The following PTPRG variants were observed in gnomAD, a reference collection of about 807,000 sequenced individuals.
PTPRG encodes the protein protein tyrosine phosphatase receptor type G, also known as receptor-type tyrosine-protein phosphatase gamma.
In PTPRG, 102 loss-of-function variants were observed where a neutral mutation model predicts 165.3. The observed-to-expected ratio is 0.62, with a 90% CI of 0.53 to 0.73. The LOEUF is 0.73. Among genes scored for constraint, PTPRG ranks in the 30% least tolerant of loss-of-function variants. The probability of loss-of-function intolerance (pLI) is 0.00; values close to 1 mark genes in which losing one functional copy is unlikely to be tolerated. For synonymous variants in PTPRG, 675 were observed against 669.5 expected, an observed-to-expected ratio of 1.01 and a Z score of -0.13; for missense variants, 1,866 against 1,861.4, an observed-to-expected ratio of 1.00 and a Z score of -0.05.
At chr3:62,155,178 C>A (rs1384617291) in intron 6 of PTPRG, among the ~76,000 whole-genome samples, 1 of 152,188 alleles carries the variant, frequency 6.6e-6, no homozygotes, top group East Asian at 1.9e-4. Context: ...AAGACTTTTG[C>A]ATTTATTGGG....
chr3:62,203,103 C>G lies in PTPRG; in HGVS notation c.1378-70C>G. 6.6e-7 allele frequency: 1 copy of G among 1,520,266 alleles called. No individual in the cohort carries two copies. 94.2% of individuals were successfully genotyped at this position (1,520,266 alleles called of 1,614,324 possible). ...ACAACCAGGGCCTCATTCCCAATCTCAATTACTGATGCTTCTCTGCTTTTT... is the reference window on the plus strand; with the variant it reads ...ACAACCAGGGCCTCATTCCCAATCTGAATTACTGATGCTTCTCTGCTTTTT... On this transcript the variant is annotated intron_variant, in intron 11 of 29. Transcript: ENST00000474889. The surrounding 1 kb of genome is among the most constrained non-coding windows in gnomAD (Gnocchi z 6.4).
chr3:61,817,290 A>AT (rs2035815642), intron 2 of PTPRG, among the ~76,000 whole-genome samples: 1 of 118,714 alleles, frequency 8.4e-6, no homozygotes, highest in Non-Finnish European at 1.6e-5. Flanking sequence ...AAATCACTGA[A>AT]ATTTTTTTTT....
chr3:62,127,831 C>G (rs1467140946), intron 5 of PTPRG, among the ~76,000 whole-genome samples: 2 of 152,170 alleles, frequency 1.3e-5, no homozygotes, highest in Non-Finnish European at 2.9e-5. Context: ...GCTTCCTTTT[C>G]ATTTTACTTC....
intron 4 of PTPRG, among the ~76,000 whole-genome samples, chr3:62,033,938 G>A (rs1378706659): frequency 6.6e-6 from 1 of 151,990 alleles, no homozygotes; most frequent in South Asian, 2.1e-4. Flanking sequence ...GCTAATTTTT[G>A]TATTTTTGGT....
At chr3:61,995,080 CTTTCTTTTTTTTTT>C (rs531391688) in intron 3 of PTPRG, among the ~76,000 whole-genome samples, 1 of 107,400 alleles carries the variant, frequency 9.3e-6, no homozygotes, top group Non-Finnish European at 1.8e-5. Context: ...TCTTTTCTTT[CTTTCTTTTTTTTTT>C]TTTTTTTTTT....
intron 1 of PTPRG, among the ~76,000 whole-genome samples, chr3:61,710,940 G>C (rs563362838): frequency 0.011 from 1,597 of 151,746 alleles, 34 homozygotes; most frequent in African/African-American, 0.036. Flanking sequence ...CCCCCAGAGA[G>C]GCCCTGGTGT....
chr3:62,028,072 C>G (rs1171359208), intron 4 of PTPRG, among the ~76,000 whole-genome samples: 1 of 152,110 alleles, frequency 6.6e-6, no homozygotes, highest in African/African-American at 2.4e-5. Flanking sequence ...ATCAAAGCAT[C>G]CATTAATTAC....
In PTPRG at chr3:61,968,567, G is replaced by A. The variant is rs573691029; in HGVS notation, c.191-21058G>A. On this transcript the variant is annotated intron_variant, in intron 2 of 29. Transcript: ENST00000474889. ...TTTGTGGTAAATTTTAGTGCCTTTG[G>A]CATTATCTGAGAGTGCTTCTGCCAT... is the stretch of plus-strand genomic sequence containing the variant. Among the ~76,000 whole-genome samples the A allele has an allele frequency of 8.5e-4, 129 of 152,228 alleles. 4 individuals carry two copies. The South Asian group carries it at 0.024, about 29-fold the overall frequency.
chr3:61,832,713 T>C (rs1158768505), intron 2 of PTPRG, among the ~76,000 whole-genome samples: 2 of 152,212 alleles, frequency 1.3e-5, no homozygotes, highest in Admixed American at 6.5e-5. Flanking sequence ...ATTTCTAGTT[T>C]GTATTTCAGT....
At chr3:61,855,223 T>C (rs2037066525) in intron 2 of PTPRG, among the ~76,000 whole-genome samples, 1 of 152,206 alleles carries the variant, frequency 6.6e-6, no homozygotes, top group Admixed American at 6.5e-5. Flanking sequence ...AGTAATAGTA[T>C]AGAAAGCTTT....
intron 1 of PTPRG, among the ~76,000 whole-genome samples, chr3:61,659,680 A>G (rs1420808494): frequency 1.3e-5 from 2 of 152,182 alleles, no homozygotes; most frequent in African/African-American, 2.4e-5. Flanking sequence ...TGCTTAGACC[A>G]CTGTATGGAG....
chr3:62,076,489 G>GTTTT (rs200643852), intron 4 of PTPRG, among the ~76,000 whole-genome samples: 5 of 150,544 alleles, frequency 3.3e-5, no homozygotes, highest in Admixed American at 6.6e-5. Context: ...CCCAGGTCTG[G>GTTTT]TTTTTTTTGT....
intron 2 of PTPRG, among the ~76,000 whole-genome samples, chr3:61,811,659 T>C (rs1344675008): frequency 1.3e-5 from 2 of 152,218 alleles, no homozygotes; most frequent in Non-Finnish European, 2.9e-5. Flanking sequence ...AAAACACAAC[T>C]TCAGCTTTCA....
chr3:62,218,153 C>T lies in PTPRG; in HGVS notation c.2156-698C>T, dbSNP rs539549969. On this transcript the variant is annotated intron_variant, in intron 12 of 29. Transcript: ENST00000474889. ...ACCTAGGTGCTCCTGCTGGGATGTGCTGTTGCTCAGTCTTAGAGTCGGTGG... is the reference window on the plus strand; with the variant it reads ...ACCTAGGTGCTCCTGCTGGGATGTGTTGTTGCTCAGTCTTAGAGTCGGTGG... 2.0e-5 allele frequency among the ~76,000 whole-genome samples: 3 copies of T among 152,230 alleles called. No individual in the cohort carries two copies. The East Asian group carries it at 5.8e-4, about 29-fold the overall frequency.
chr3:61,711,565 T>G (rs2031557687), intron 1 of PTPRG, among the ~76,000 whole-genome samples: 4 of 152,220 alleles, frequency 2.6e-5, no homozygotes, highest in Admixed American at 2.6e-4. Flanking sequence ...CATAAATGTC[T>G]TCTTTTGAGA....
intron 3 of PTPRG, among the ~76,000 whole-genome samples, chr3:61,991,168 C>T (rs1021314566): frequency 2.6e-5 from 4 of 152,012 alleles, no homozygotes; most frequent in Admixed American, 6.6e-5. Context: ...TGAGTAGCTG[C>T]GTAGAAAAAA....
In PTPRG at chr3:62,195,272, C is replaced by G; in HGVS notation, c.1327+102C>G. The G allele has an allele frequency of 9.4e-7, 1 of 1,060,502 alleles. No individual in the cohort carries two copies. The highest frequency in any genetic ancestry group is 2.4e-5 in the East Asian group (1 of 41,272). 65.7% of individuals were successfully genotyped at this position (1,060,502 alleles called of 1,614,324 possible). On this transcript the variant is annotated intron_variant, in intron 10 of 29. Transcript: ENST00000474889. This position sits in a 1 kb window ranked among gnomAD's most constrained non-coding sequence, Gnocchi z 4.4. Reference sequence around the variant, plus strand: ...GGTGCTGGGGAAAAATACAAACAAGCCTGGCAGAAGAATCAGTGTAGGGTT... The same window carrying G: ...GGTGCTGGGGAAAAATACAAACAAGGCTGGCAGAAGAATCAGTGTAGGGTT...
At chr3:62,019,283 A>G (rs763030606) in intron 4 of PTPRG, among the ~76,000 whole-genome samples, 2 of 152,190 alleles carry the variant, frequency 1.3e-5, no homozygotes, top group Non-Finnish European at 2.9e-5. Flanking sequence ...GCACTTTGAG[A>G]GGCCAAGGTG....
At chr3:62,001,635 ATTATC>A (rs2041174614) in intron 3 of PTPRG, among the ~76,000 whole-genome samples, 1 of 151,642 alleles carries the variant, frequency 6.6e-6, no homozygotes. Context: ...GATTTTAGAT[ATTATC>A]TTCTAAGATA....
Sources: allele counts gnomAD v4.1 joint callset (sites outside exome capture counted in the v4.1 genomes callset), GRCh38; gene constraint gnomAD v4.1.1; non-coding constraint Gnocchi (gnomAD v3.1); transcripts MANE v1.5; gene names NCBI Gene and HGNC (gene_info 2026-07-23, HGNC 2026-07-21).